Variants in XKR4 observed in about 807,000 individuals in gnomAD.
XKR4 encodes the protein XK related 4.
A neutral mutation model predicts 53.9 loss-of-function variants in XKR4; 12 were observed. The ratio of observed to expected loss-of-function variants is 0.22; its 90% CI spans 0.14 to 0.36. The LOEUF (loss-of-function observed/expected upper bound fraction) is 0.36. XKR4 is among the 10% of genes least tolerant of loss of function. The pLI is 1.00. For synonymous variants in XKR4, 354 were observed against 362.4 expected (o/e 0.98, Z 0.26); for missense variants, 799 against 859.5 (o/e 0.93, Z 0.88).
chr8:55,513,654 TAGGAGGTACTGACACC>T (rs1215580596), intron 2 of XKR4, among the ~76,000 whole-genome samples: 3 of 152,198 alleles, frequency 2.0e-5, no homozygotes, highest in Admixed American at 2.0e-4. Context: ...ACCTTGTGTA[TAGGAGGTACTGACACC>T]AGGAGGTTCC....
At chr8:55,257,957 A>T (rs1818464261) in intron 1 of XKR4, among the ~76,000 whole-genome samples, 1 of 152,356 alleles carries the variant, frequency 6.6e-6, no homozygotes, top group Non-Finnish European at 1.5e-5. Context: ...GGAGCCACAC[A>T]AGATGAAACA....
At chr8:55,137,283 T>C (rs1816644486) in intron 1 of XKR4, among the ~76,000 whole-genome samples, 1 of 152,134 alleles carries the variant, frequency 6.6e-6, no homozygotes, top group Admixed American at 6.5e-5. Flanking sequence ...GTGAAATTCC[T>C]TGGAGGCCTT....
chr8:55,454,693 T>C, intron 2 of XKR4: 2 of 880,026 alleles, frequency 2.3e-6, no homozygotes, highest in Non-Finnish European at 3.9e-6. Context: ...ATTCAGGCCC[T>C]CCACGTGGAC....
At chr8:55,450,876 C>T (rs72645681) in intron 2 of XKR4, 24,495 of 469,612 alleles carry the variant, frequency 0.052, 837 homozygotes, top group Non-Finnish European at 0.061. Context: ...GGAGCTCCCC[C>T]CTCCCAGCAC....
Position 55,533,895 on chromosome 8 carries a change from G to A in XKR4, c.*9668G>A, listed in dbSNP as rs1021305525. ...TGAATTCCTGCTACCTGCTTCTTAT[G>A]GCTCACGCTATGAATATTCACCTGC... is the stretch of plus-strand genomic sequence containing the variant. On this transcript the variant is annotated 3_prime_UTR_variant, in exon 3 of 3. Transcript: ENST00000327381. 1 of 152,074 alleles carries A rather than the reference G, an allele frequency of 6.6e-6. No homozygotes were observed. The highest frequency in any genetic ancestry group is 1.5e-5 in the Non-Finnish European group (1 of 68,014). The allele number at this position is 152,074 out of a possible 1,614,324, so 9.4% of individuals were successfully genotyped here.
At chr8:55,156,555 A>C (rs1816909402) in intron 1 of XKR4, among the ~76,000 whole-genome samples, 1 of 152,140 alleles carries the variant, frequency 6.6e-6, no homozygotes, top group Non-Finnish European at 1.5e-5. Context: ...TAGAAACATA[A>C]AGAGTTTGGC....
chr8:55,129,253 A>C, intron 1 of XKR4, among the ~76,000 whole-genome samples: 1 of 152,226 alleles, frequency 6.6e-6, no homozygotes, highest in East Asian at 1.9e-4. Flanking sequence ...TGAGTCAAGA[A>C]AAGAATTTTC....
At chr8:55,500,554 C>A (rs1243735144) in intron 2 of XKR4, among the ~76,000 whole-genome samples, 1 of 152,156 alleles carries the variant, frequency 6.6e-6, no homozygotes, top group Non-Finnish European at 1.5e-5. Flanking sequence ...CCACAGGAGA[C>A]CCTTATGGAA....
At chr8:55,318,610 C>T (rs2129379132) in intron 1 of XKR4, among the ~76,000 whole-genome samples, 1 of 152,290 alleles carries the variant, frequency 6.6e-6, no homozygotes, top group Admixed American at 6.5e-5. Flanking sequence ...TTAATGCTTG[C>T]TACCTGGAAA....
At chr8:55,481,589 A>G (rs553046708) in intron 2 of XKR4, among the ~76,000 whole-genome samples, 6 of 152,228 alleles carry the variant, frequency 3.9e-5, no homozygotes, top group African/African-American at 1.2e-4. Flanking sequence ...AAAAGAAACT[A>G]CCATCAGAGT....
intron 2 of XKR4, among the ~76,000 whole-genome samples, chr8:55,479,534 A>G (rs1806064436): frequency 1.3e-5 from 2 of 152,190 alleles, no homozygotes; most frequent in South Asian, 4.1e-4. Context: ...GCAGAAGGCA[A>G]GAAATAACTA....
At chr8:55,451,692 G>GCGGTAGATGGCATGCATGC in intron 2 of XKR4, 1 of 1,431,384 alleles carries the variant, frequency 7.0e-7, no homozygotes, top group South Asian at 1.2e-5. Flanking sequence ...CCGGGTACCT[G>GCGGTAGATGGCATGCATGC]CGGTAGATGG....
intron 1 of XKR4, among the ~76,000 whole-genome samples, chr8:55,150,001 T>C (rs1418749180): frequency 6.6e-6 from 1 of 152,194 alleles, no homozygotes; most frequent in Non-Finnish European, 1.5e-5. Context: ...GCTCAAAGAT[T>C]TAGATCCAAG....
intron 1 of XKR4, among the ~76,000 whole-genome samples, chr8:55,240,281 A>C (rs1236866143): frequency 6.6e-6 from 1 of 152,258 alleles, no homozygotes; most frequent in African/African-American, 2.4e-5. Context: ...ACACAGATCA[A>C]ATACATAAGA....
At position 55,268,820 on chromosome 8, in the gene XKR4, T is replaced by A. The variant is rs149641060; in HGVS notation, c.807-88858T>A. 2.6e-3 allele frequency among the ~76,000 whole-genome samples: 394 copies of A among 152,298 alleles called. 1 individual carries two copies. The highest frequency in any genetic ancestry group is 0.01 in the Middle Eastern group (3 of 294). On this transcript the variant is annotated intron_variant, in intron 1 of 2. Transcript: ENST00000327381. ...TGGAGGTGGAGAGTGTTTATCTAGC[T>A]TTGTCAGATAAGCAGTGGTTCTACA...
chr8:55,175,803 AAAATAAATAGT>A (rs1315278063), intron 1 of XKR4, among the ~76,000 whole-genome samples: 2 of 152,234 alleles, frequency 1.3e-5, no homozygotes, highest in African/African-American at 2.4e-5. Flanking sequence ...AATAATACTT[AAAATAAATAGT>A]AAATAAATAA....
At chr8:55,197,545 A>ATTTT (rs35974542) in intron 1 of XKR4, among the ~76,000 whole-genome samples, 2 of 143,702 alleles carry the variant, frequency 1.4e-5, no homozygotes, top group Non-Finnish European at 3.0e-5. Context: ...GTTCAGCTAA[A>ATTTT]TTTTTTTTTT....
At chr8:55,461,220 C>T (rs556191730) in intron 2 of XKR4, among the ~76,000 whole-genome samples, 3 of 152,308 alleles carry the variant, frequency 2.0e-5, no homozygotes, top group Admixed American at 6.5e-5. Context: ...TGGAAGGCAC[C>T]CCCCAGTAGG....
intron 1 of XKR4, among the ~76,000 whole-genome samples, chr8:55,299,092 T>C (rs1016865875): frequency 6.6e-6 from 1 of 152,210 alleles, no homozygotes; most frequent in African/African-American, 2.4e-5. Flanking sequence ...CATTTCATCT[T>C]CATGTCTCTT....
Sources: allele counts gnomAD v4.1 joint callset (sites outside exome capture counted in the v4.1 genomes callset), GRCh38; gene constraint gnomAD v4.1.1; transcripts MANE v1.5; gene names NCBI Gene and HGNC (gene_info 2026-07-23, HGNC 2026-07-21).